Variants in CRLF3 observed in about 807,000 individuals in gnomAD.
CRLF3 encodes the protein cytokine receptor like factor 3, also known as cytokine receptor-like factor 3.
A neutral mutation model predicts 55.0 loss-of-function variants in CRLF3; 33 were observed. The observed-to-expected ratio is 0.60, with a 90% confidence interval of 0.46 to 0.80. CRLF3 has a LOEUF of 0.80. CRLF3 is among the 30% of genes least tolerant of loss of function. CRLF3 has a pLI of 0.00. For synonymous variants in CRLF3, 238 were observed against 196.8 expected (o/e 1.21, Z -1.75); for missense variants, 494 against 538.4 (o/e 0.92, Z 0.82).
intron 1 of CRLF3, among the ~76,000 whole-genome samples, chr17:30,806,831 T>C (rs1904419902): frequency 6.6e-6 from 1 of 152,150 alleles, no homozygotes; most frequent in Non-Finnish European, 1.5e-5. Flanking sequence ...AGAGACGAGA[T>C]CTTGCTATGT....
At chr17:30,806,656 TTTC>T (rs752309650) in intron 1 of CRLF3, among the ~76,000 whole-genome samples, 47 of 152,262 alleles carry the variant, frequency 3.1e-4, no homozygotes, top group South Asian at 1.9e-3. Context: ...ACACCAGATT[TTTC>T]TTCTTTTATT....
intron 7 of CRLF3, 39 bp from the exon 8 acceptor site, chr17:30,784,482 A>G (rs981800206): frequency 1.9e-6 from 3 of 1,545,214 alleles, no homozygotes; most frequent in Admixed American, 1.8e-5. Context: ...CATGTGAGCA[A>G]TAACTAAGAG....
At chr17:30,804,527 T>C (rs1439100893) in intron 1 of CRLF3, among the ~76,000 whole-genome samples, 1 of 152,204 alleles carries the variant, frequency 6.6e-6, no homozygotes, top group Non-Finnish European at 1.5e-5. Context: ...CCATTCTACT[T>C]TCTGCTTCTA....
At chr17:30,808,231 C>A (rs894633855) in intron 1 of CRLF3, among the ~76,000 whole-genome samples, 1 of 149,874 alleles carries the variant, frequency 6.7e-6, no homozygotes, top group Non-Finnish European at 1.5e-5. Context: ...ACTGCTAAAT[C>A]AGAACATGAA....
intron 4 of CRLF3, among the ~76,000 whole-genome samples, chr17:30,795,876 C>T (rs1280581512): frequency 1.3e-5 from 2 of 151,858 alleles, no homozygotes; most frequent in Non-Finnish European, 2.9e-5. Flanking sequence ...AAGCGGCAGG[C>T]GGGGGAGGGC....
chr17:30,785,890 C>T lies in CRLF3; in HGVS notation c.1072+29G>A, dbSNP rs374681959. On this transcript the variant is annotated intron_variant, in intron 7 of 7. Coordinates refer to ENST00000324238, the MANE Select transcript of CRLF3 (RefSeq NM_015986.4). ...ATTACTAAAATAATTAATATATTTC[C>T]AAGAGAATGACAGTTATTTATCTCT... 8 of 1,145,396 alleles carry T rather than the reference C, an allele frequency of 7.0e-6. No individual in the cohort carries two copies. In the African/African-American group the frequency reaches 1.2e-4, roughly 18 times the overall value. The allele number at this position is 1,145,396 out of a possible 1,614,324, so 71.0% of individuals were successfully genotyped here.
At chr17:30,803,328 A>G (rs1247926250) in intron 2 of CRLF3, among the ~76,000 whole-genome samples, 1 of 152,116 alleles carries the variant, frequency 6.6e-6, no homozygotes, top group African/African-American at 2.4e-5. Context: ...TTCTTGTTTT[A>G]TAACTAATTA....
At chr17:30,792,669 C>G in intron 5 of CRLF3, 97 bp from the exon 6 acceptor site, 1 of 1,080,584 alleles carries the variant, frequency 9.3e-7, no homozygotes, top group Non-Finnish European at 1.4e-6. Flanking sequence ...GGAGACTACT[C>G]TTAGGGGCCA....
rs745887448 is a variant in CRLF3 at position 30,803,917 on chromosome 17, C to A, written c.321G>T (p.Glu107Asp). The A allele has an allele frequency of 4.3e-6, 7 of 1,611,700 alleles. No homozygotes were observed. The highest frequency in any genetic ancestry group is 5.9e-6 in the Non-Finnish European group (7 of 1,179,642). The change falls in exon 2 of 8, where the codon GAG becomes GAT. Residue 107 changes from glutamate (E) to aspartate (D), a missense_variant. Coordinates refer to ENST00000324238, the MANE Select transcript of CRLF3 (RefSeq NM_015986.4). ...KLIEHGVNTAEDLVREGEIAM... is the reference protein window; with the variant it reads ...KLIEHGVNTADDLVREGEIAM... ...GTCCCCCACCTTCTCGGACTAAGTC[C>A]TCTGCAGTGTTGACTCCGTGTTCTA...
rs996203254 is a variant in CRLF3, at chr17:30,800,695, T to G, written c.337+3206A>C. Among the ~76,000 whole-genome samples, 11 of 151,606 alleles carry G rather than the reference T, an allele frequency of 7.3e-5. 1 individual carries two copies. Among genetic ancestry groups the G allele is most frequent in the Admixed American group, 6.6e-4 (10 of 15,216 alleles). On this transcript the variant is annotated intron_variant, in intron 2 of 7. Coordinates refer to ENST00000324238, the MANE Select transcript of CRLF3 (RefSeq NM_015986.4). Reference sequence around the variant, plus strand: ...TGTTGCCCAGGCTGGAGTGCAGTGCTGCAATCATAGCTCAAGCTCTCCCAC... The same window carrying G: ...TGTTGCCCAGGCTGGAGTGCAGTGCGGCAATCATAGCTCAAGCTCTCCCAC...
intron 6 of CRLF3, among the ~76,000 whole-genome samples, chr17:30,790,007 T>C (rs1971753987): frequency 1.3e-5 from 2 of 151,732 alleles, no homozygotes; most frequent in Admixed American, 6.6e-5. Context: ...TTTTTTTTCC[T>C]CTCTCTCTCT....
At chr17:30,787,809 T>G (rs376915658) in intron 6 of CRLF3, 1 of 151,498 alleles carries the variant, frequency 6.6e-6, no homozygotes, top group African/African-American at 2.4e-5. Context: ...AAGACCACCC[T>G]AGGCAACATG....
intron 1 of CRLF3, among the ~76,000 whole-genome samples, chr17:30,819,370 G>A (rs1904917626): frequency 6.6e-6 from 1 of 152,206 alleles, no homozygotes; most frequent in South Asian, 2.1e-4. Flanking sequence ...GACTTACAAA[G>A]ATTAAAGACC....
Position 30,789,234 on chromosome 17 carries a change from A to G in CRLF3, c.960-3203T>C, listed in dbSNP as rs534919074. ...GTGATGCATCTTTAGGAGATGCAAG[A>G]GAGACTCAACAGTTTATTGAGACCT... On this transcript the variant is annotated intron_variant, in intron 6 of 7. Transcript: ENST00000324238. Among the ~76,000 whole-genome samples the G allele has an allele frequency of 1.9e-4, 29 of 152,346 alleles. No individual in the cohort carries two copies. The South Asian group carries it at 5.8e-3, about 30-fold the overall frequency.
At chr17:30,791,117 C>T (rs1971789538) in intron 6 of CRLF3, among the ~76,000 whole-genome samples, 1 of 151,992 alleles carries the variant, frequency 6.6e-6, no homozygotes, top group Non-Finnish European at 1.5e-5. Context: ...GGGTCTTGCC[C>T]TGTTGCCAGG....
chr17:30,785,810 A>G, intron 7 of CRLF3, 109 bp downstream of exon 7: 1 of 596,606 alleles, frequency 1.7e-6, no homozygotes, highest in South Asian at 2.3e-5. Flanking sequence ...AAAGAAAAAT[A>G]CCTAAATTTT....
rs1971934664 is a variant in CRLF3, at chr17:30,797,380, C to T, written c.356G>A (p.Gly119Asp). The T allele has an allele frequency of 2.5e-6, 4 of 1,613,802 alleles. No homozygotes were observed. In the East Asian group the frequency reaches 6.7e-5, roughly 27 times the overall value. ...TTTCTCATTCTCTTCTCCCACACCACCAAGCATGGCGATTTCACCTACAAT... is the reference window on the plus strand; with the variant it reads ...TTTCTCATTCTCTTCTCCCACACCATCAAGCATGGCGATTTCACCTACAAT... ...LVREGEIAML[G>D]GVGEENEKLW... The change falls in exon 3 of 8, where the codon GGT (glycine) becomes GAT (aspartate). Residue 119 changes from glycine to aspartate, a missense_variant. Transcript: ENST00000324238.
intron 2 of CRLF3, among the ~76,000 whole-genome samples, chr17:30,799,720 G>T (rs1971976384): frequency 1.3e-5 from 2 of 151,964 alleles, no homozygotes; most frequent in African/African-American, 4.8e-5. Flanking sequence ...GGCCAGGCTG[G>T]TCTTGAACTC....
rs747220411 is a variant in CRLF3, at chr17:30,785,913, T to C, written c.1072+6A>G. 195 of 1,455,488 alleles carry C rather than the reference T, an allele frequency of 1.3e-4. No individual in the cohort carries two copies. Among genetic ancestry groups the C allele is most frequent in the Non-Finnish European group, 1.8e-4 (187 of 1,041,246 alleles). The allele number at this position is 1,455,488 out of a possible 1,614,324, so 90.2% of individuals were successfully genotyped here. A position where few individuals can be genotyped will look rare whatever the true frequency, so the allele number is the denominator to read the frequency against. On this transcript the variant is annotated splice_donor_region_variant and intron_variant, in intron 7 of 7. Coordinates refer to ENST00000324238, the MANE Select transcript of CRLF3 (RefSeq NM_015986.4). ...TCCAAGAGAATGACAGTTATTTATCTCTTACCATTTGTACTAATGCACACA... is the reference window on the plus strand; with the variant it reads ...TCCAAGAGAATGACAGTTATTTATCCCTTACCATTTGTACTAATGCACACA...
Sources: allele counts gnomAD v4.1 joint callset (sites outside exome capture counted in the v4.1 genomes callset), GRCh38; gene constraint gnomAD v4.1.1; transcripts MANE v1.5; gene names NCBI Gene and HGNC (gene_info 2026-07-23, HGNC 2026-07-21).